Variants in SRL observed in about 807,000 individuals in gnomAD.
The protein encoded by SRL is sarcalumenin.
Under a neutral mutation model 39.5 loss-of-function variants are expected in SRL, and 23 were observed. The observed-to-expected ratio is 0.58, with a 90% CI of 0.42 to 0.82. The LOEUF (loss-of-function observed/expected upper bound fraction) is 0.82. SRL is among the 40% of genes least tolerant of loss of function. The pLI is 0.00. For synonymous variants in SRL, 272 were observed against 237.4 expected, an observed-to-expected ratio of 1.15 and a Z score of -1.34; for missense variants, 592 against 607.8, an observed-to-expected ratio of 0.97 and a Z score of 0.27.
intron 3 of SRL, among the ~76,000 whole-genome samples, chr16:4,200,573 C>T (rs1469983222): frequency 6.6e-6 from 1 of 152,182 alleles, no homozygotes; most frequent in East Asian, 1.9e-4. Context: ...CTCTGGAGCT[C>T]CTGGCCCTGC....
chr16:4,210,871 C>A (rs557219477), intron 1 of SRL, among the ~76,000 whole-genome samples: 33 of 152,272 alleles, frequency 2.2e-4, no homozygotes, highest in Non-Finnish European at 4.6e-4. Flanking sequence ...CTGGCTTGGG[C>A]CATGTGACTT....
chr16:4,195,851 A>G (rs1321997057), intron 4 of SRL, 65 bp from the exon 5 acceptor site: 3 of 1,362,884 alleles, frequency 2.2e-6, no homozygotes, highest in African/African-American at 2.9e-5. Context: ...ACTGAGAAGC[A>G]TGTGTATATG....
At chr16:4,239,919 A>C (rs1025606730) in intron 1 of SRL, among the ~76,000 whole-genome samples, 8 of 151,308 alleles carry the variant, frequency 5.3e-5, no homozygotes, top group Non-Finnish European at 1.2e-4. Context: ...GTGCAGCAGC[A>C]GGTCGGGAGG....
At chr16:4,229,349 C>T (rs1196355497) in intron 1 of SRL, among the ~76,000 whole-genome samples, 1 of 151,946 alleles carries the variant, frequency 6.6e-6, no homozygotes, top group African/African-American at 2.4e-5. Flanking sequence ...GAGGCTGAGG[C>T]AGGAGAATGG....
chr16:4,238,674 G>A (rs113116269), intron 1 of SRL, among the ~76,000 whole-genome samples: 7,551 of 150,912 alleles, frequency 0.05, 635 homozygotes, highest in African/African-American at 0.17. Context: ...ACCCAGGCTG[G>A]AGTCAGTGAT....
chr16:4,233,941 C>A (rs1246675903), intron 1 of SRL, among the ~76,000 whole-genome samples: 1 of 152,134 alleles, frequency 6.6e-6, no homozygotes, highest in Non-Finnish European at 1.5e-5. Flanking sequence ...GGATTTGGCA[C>A]CCAATCTCTC....
At chr16:4,197,969 G>T in intron 3 of SRL, 54 bp from the exon 4 acceptor site, 1 of 1,209,012 alleles carries the variant, frequency 8.3e-7, no homozygotes, top group Non-Finnish European at 1.2e-6. Flanking sequence ...TTCACACAAG[G>T]GGTATGGCAC....
chr16:4,212,504 C>T (rs900333852), intron 1 of SRL, among the ~76,000 whole-genome samples: 2 of 152,180 alleles, frequency 1.3e-5, no homozygotes, highest in Non-Finnish European at 2.9e-5. Flanking sequence ...GCCGAAGCAC[C>T]CTATTGGCCC....
At chr16:4,215,891 C>G (rs1235530232) in intron 1 of SRL, among the ~76,000 whole-genome samples, 3 of 152,134 alleles carry the variant, frequency 2.0e-5, no homozygotes, top group Non-Finnish European at 4.4e-5. Context: ...TTAAAATTAG[C>G]TTGGCATGGT....
At chr16:4,240,742 C>A (rs1166898159) in intron 1 of SRL, among the ~76,000 whole-genome samples, 1 of 152,112 alleles carries the variant, frequency 6.6e-6, no homozygotes, top group Non-Finnish European at 1.5e-5. Flanking sequence ...GCAGCTGGGG[C>A]TGGGGGGCAG....
At chr16:4,209,093 T>A (rs1050445813) in intron 1 of SRL, among the ~76,000 whole-genome samples, 2 of 151,994 alleles carry the variant, frequency 1.3e-5, no homozygotes, top group African/African-American at 4.8e-5. Context: ...GCCAACATGG[T>A]GAAACCCCAT....
intron 3 of SRL, among the ~76,000 whole-genome samples, chr16:4,199,364 CTTTTTTTTTTTTT>C (rs71139622): frequency 1.2e-5 from 1 of 84,604 alleles, no homozygotes; most frequent in Non-Finnish European, 2.3e-5. Flanking sequence ...TATTCCCCAT[CTTTTTTTTTTTTT>C]TTTTTTTTTT....
intron 1 of SRL, among the ~76,000 whole-genome samples, chr16:4,239,279 G>A (rs909502456): frequency 6.6e-6 from 1 of 152,216 alleles, no homozygotes; most frequent in African/African-American, 2.4e-5. Context: ...GGCACTCACA[G>A]AGGGGCAGCC....
intron 1 of SRL, among the ~76,000 whole-genome samples, chr16:4,228,825 C>T (rs1306904132): frequency 6.6e-6 from 1 of 152,138 alleles, no homozygotes; most frequent in Admixed American, 6.6e-5. Context: ...TCTCCTCACT[C>T]TTGTTCCCCT....
At chr16:4,214,779 T>C (rs2052435900) in intron 1 of SRL, among the ~76,000 whole-genome samples, 1 of 151,990 alleles carries the variant, frequency 6.6e-6, no homozygotes, top group Non-Finnish European at 1.5e-5. Context: ...ACTTTTTTTT[T>C]TTTTTTTAGA....
intron 1 of SRL, among the ~76,000 whole-genome samples, chr16:4,227,132 T>A (rs2052601832): frequency 6.7e-6 from 1 of 148,900 alleles, no homozygotes; most frequent in African/African-American, 2.5e-5. Flanking sequence ...AATGGAAGGA[T>A]GGATGAAAGC....
intron 3 of SRL, among the ~76,000 whole-genome samples, chr16:4,200,431 A>T (rs2052212996): frequency 6.6e-6 from 1 of 152,134 alleles, no homozygotes; most frequent in Non-Finnish European, 1.5e-5. Flanking sequence ...TGGCCTATAC[A>T]GGAGGTGGGA....
At chr16:4,217,540 C>A (rs13335141) in intron 1 of SRL, among the ~76,000 whole-genome samples, 37,021 of 152,168 alleles carry the variant, frequency 0.24, 4,533 homozygotes, top group Admixed American at 0.29. Flanking sequence ...GCGTGAGCCA[C>A]TGGCCCCTCC....
Position 4,190,394 on chromosome 16 carries a change from C to T in SRL, c.*1759G>A. 2.5e-6 allele frequency: 1 copy of T among 398,856 alleles called. No homozygotes were observed. Among genetic ancestry groups the T allele is most frequent in the Non-Finnish European group, 4.4e-6 (1 of 226,260 alleles). 24.7% of individuals were successfully genotyped at this position (398,856 alleles called of 1,614,324 possible). A position where few individuals can be genotyped will look rare whatever the true frequency, so the allele number is the denominator to read the frequency against. On this transcript the variant is annotated 3_prime_UTR_variant, in exon 6 of 6. Transcript: ENST00000399609. Reference sequence around the variant, plus strand: ...TGCCTCGTGGGTAAGGCCCCCAGGACAGCTTGTTCCCAAGAGAAGCGGCTG... The same window carrying T: ...TGCCTCGTGGGTAAGGCCCCCAGGATAGCTTGTTCCCAAGAGAAGCGGCTG...
Sources: gnomAD v4.1 joint callset for allele counts (sites outside exome capture counted in the v4.1 genomes callset) on GRCh38, gnomAD v4.1.1 for gene constraint, MANE v1.5 for transcripts, NCBI Gene and HGNC (gene_info 2026-07-23, HGNC 2026-07-21) for gene names.